ANKRD42: variants seen among roughly 807,000 people sequenced by gnomAD.
The protein encoded by ANKRD42 is ankyrin repeat domain 42, also known as ankyrin repeat domain-containing protein 42.
Under a neutral mutation model 51.5 loss-of-function variants are expected in ANKRD42, and 43 were observed. That is an observed-to-expected ratio of 0.83 (90% confidence interval 0.65 to 1.08). The LOEUF is 1.08. Among genes scored for constraint, ANKRD42 ranks in the 50% least tolerant of loss-of-function variants. The pLI is 0.00. For synonymous variants in ANKRD42, 203 were observed against 213.0 expected (o/e 0.95, Z 0.41); for missense variants, 608 against 629.3 (o/e 0.97, Z 0.36).
rs749472747 is a variant in ANKRD42 at position 83,211,366 on chromosome 11, C to T, written c.522C>T (p.Cys174=). 2 of 1,614,154 alleles carry T rather than the reference C, an allele frequency of 1.2e-6. No homozygotes were observed. Among genetic ancestry groups the T allele is most frequent in the South Asian group, 1.1e-5 (1 of 91,080 alleles). ...CAGCTTTTCATGGGCGGCTTGGCTG[C>T]TTGCAACTTCTTGTTAAATGGGGTT... is the stretch of plus-strand genomic sequence containing the variant. ...HYAAFHGRLG[C]LQLLVKWGCS... The change falls in exon 5 of 11, where the codon TGC becomes TGT. Residue 174 remains cysteine, a synonymous_variant. Coordinates refer to ENST00000533342, the MANE Select transcript of ANKRD42 (RefSeq NM_001300975.2).
intron 2 of ANKRD42, among the ~76,000 whole-genome samples, chr11:83,205,651 C>T (rs115683569): frequency 6.6e-6 from 1 of 152,108 alleles, no homozygotes; most frequent in Non-Finnish European, 1.5e-5. Flanking sequence ...AAGCTCTGGA[C>T]CCGTTTAAAG....
In ANKRD42 at chr11:83,254,430, C is replaced by CTTTTTTTTT. The variant is rs778427623; in HGVS notation, c.1465-1411_1465-1410insTTTTTTTTT. Among the ~76,000 whole-genome samples the CTTTTTTTTT allele has an allele frequency of 2.7e-4, 35 of 130,424 alleles. 1 individual carries two copies. The highest frequency in any genetic ancestry group is 3.4e-4 in the Non-Finnish European group (21 of 62,308). The allele number at this position is 130,424 out of a possible 152,430, so 85.6% of individuals were successfully genotyped here. ...CCCCACCTGAGTGTTTTTCTTTTTT[C>CTTTTTTTTT]TTTTCTTTTTTTTTTTTTTGAGACA... On this transcript the variant is annotated intron_variant, in intron 11 of 11. Transcript: ENST00000260047.
chr11:83,249,209 G>A (rs1368412818), downstream of ANKRD42, among the ~76,000 whole-genome samples: 20 of 152,024 alleles, frequency 1.3e-4, no homozygotes, highest in East Asian at 1.9e-4. Flanking sequence ...GTTGTTCTTC[G>A]TTTTTTCTTT....
downstream of ANKRD42, chr11:83,259,542 A>T (rs1863840126): frequency 6.6e-6 from 1 of 152,218 alleles, no homozygotes; most frequent in South Asian, 2.1e-4. Flanking sequence ...GAGAAGGTCC[A>T]ATAAATGGCA....
rs143108369 is a variant in ANKRD42, at chr11:83,223,909, A to C, written c.587-946A>C. Among the ~76,000 whole-genome samples the C allele has an allele frequency of 2.0e-3, 302 of 148,722 alleles. 4 individuals are homozygous for C. Among genetic ancestry groups the C allele is most frequent in the African/African-American group, 7.4e-3 (298 of 40,484 alleles). ...AAAGACTGTCTTGGTCTTTGTAATC[A>C]TTGCCTCAAAGCTTGTAACAACTCC... On this transcript the variant is annotated intron_variant, in intron 5 of 10. Transcript: ENST00000533342.
downstream of ANKRD42, chr11:83,257,478 A>C (rs995503948): frequency 2.5e-5 from 9 of 360,444 alleles, no homozygotes; most frequent in South Asian, 1.2e-4. Context: ...TTTATTGGGC[A>C]CTTTGTGTGA....
chr11:83,238,212 G>T (rs551925783), intron 8 of ANKRD42, among the ~76,000 whole-genome samples: 3 of 152,176 alleles, frequency 2.0e-5, no homozygotes, highest in African/African-American at 7.2e-5. Flanking sequence ...AGGTTGAAGG[G>T]CATCTTGATT....
At chr11:83,242,567 G>GTTTTTTTTTTGTTTTTTTTTT (rs770772334) in intron 9 of ANKRD42, among the ~76,000 whole-genome samples, 10 of 115,544 alleles carry the variant, frequency 8.7e-5, no homozygotes, top group East Asian at 5.0e-4. Context: ...TGGTAGTTAA[G>GTTTTTTTTTTGTTTTTTTTTT]TTTTTTTTTT....
intron 7 of ANKRD42, 111 bp from the exon 8 acceptor site, chr11:83,236,293 C>T: frequency 1.5e-6 from 1 of 675,344 alleles, no homozygotes; most frequent in Non-Finnish European, 2.4e-6. Context: ...CTGCAAGGAT[C>T]AATACTTAAC....
At chr11:83,259,643 T>A (rs1159081935), downstream of ANKRD42, 1 of 152,216 alleles carries the variant, frequency 6.6e-6, no homozygotes, top group Non-Finnish European at 1.5e-5. Context: ...TATTTGCTGA[T>A]AAAACTATTG....
intron 9 of ANKRD42, among the ~76,000 whole-genome samples, chr11:83,242,574 T>G (rs953964184): frequency 7.6e-5 from 11 of 144,692 alleles, no homozygotes; most frequent in African/African-American, 2.8e-4. Context: ...TAAGTTTTTT[T>G]TTTTTTTTTT....
Position 83,225,782 on chromosome 11 carries a change from GAAAAAAA to G in ANKRD42, c.787+744_787+750del, listed in dbSNP as rs59860833. ...GCAGCAAGAGCGAAACTCCATCCTGGAAAAAAAAAAAAAAAAAAAAAAAGGAATAAAA... is the reference window on the plus strand; with the variant it reads ...GCAGCAAGAGCGAAACTCCATCCTGGAAAAAAAAAAAAAAAAGGAATAAAA... On this transcript the variant is annotated intron_variant, in intron 6 of 10. Transcript: ENST00000533342. Among the ~76,000 whole-genome samples the G allele has an allele frequency of 1.6e-3, 142 of 88,788 alleles. 2 individuals are homozygous for G. The East Asian group carries it at 0.036, about 22-fold the overall frequency. The allele number at this position is 88,788 out of a possible 152,430, so 58.2% of individuals were successfully genotyped here.
intron 7 of ANKRD42, among the ~76,000 whole-genome samples, chr11:83,232,466 G>A (rs1863101704): frequency 6.6e-6 from 1 of 152,116 alleles, no homozygotes; most frequent in African/African-American, 2.4e-5. Flanking sequence ...TACTGAATTT[G>A]CTTATCAATT....
intron 7 of ANKRD42, among the ~76,000 whole-genome samples, chr11:83,230,934 C>T (rs1354626453): frequency 1.3e-5 from 2 of 152,116 alleles, no homozygotes; most frequent in African/African-American, 2.4e-5. Flanking sequence ...TGTATATGTA[C>T]CACATTTTCT....
exon 12 of ANKRD42, chr11:83,255,993 T>C: frequency 1.6e-6 from 2 of 1,236,068 alleles, no homozygotes; most frequent in South Asian, 2.8e-5. Flanking sequence ...AAAATTGATA[T>C]AAATGTGAGT....
chr11:83,195,918 T>C (rs543401163), intron 1 of ANKRD42, among the ~76,000 whole-genome samples: 2 of 150,666 alleles, frequency 1.3e-5, no homozygotes, highest in South Asian at 4.2e-4. Context: ...GGTCCTCAGC[T>C]CACTGCAATC....
In ANKRD42 at chr11:83,194,634, G is replaced by C; in HGVS notation, c.-37G>C. On this transcript the variant is annotated 5_prime_UTR_variant, in exon 1 of 11. Transcript: ENST00000533342. ...AAGACCGCCGCAGCATCAGGGGCCT[G>C]GACTCAACTCCTCCCCAGAGTCGGA... 6.2e-7 allele frequency: 1 copy of C among 1,610,136 alleles called. No individual in the cohort carries two copies. The highest frequency in any genetic ancestry group is 8.5e-7 in the Non-Finnish European group (1 of 1,177,430).
rs548139592 is a variant in ANKRD42, at chr11:83,197,689, C to T, written c.59-790C>T. Among the ~76,000 whole-genome samples, 87 of 152,214 alleles carry T rather than the reference C, an allele frequency of 5.7e-4. 1 individual carries two copies. Among genetic ancestry groups the T allele is most frequent in the Admixed American group, 2.8e-3 (43 of 15,276 alleles). Reference sequence around the variant, plus strand: ...CATTCTTCTCTAATAGTTATCTGTTCGTGCTTAGATACCTTTATTGCCTCT... The same window carrying T: ...CATTCTTCTCTAATAGTTATCTGTTTGTGCTTAGATACCTTTATTGCCTCT... On this transcript the variant is annotated intron_variant, in intron 1 of 10. Coordinates refer to ENST00000533342, the MANE Select transcript of ANKRD42 (RefSeq NM_001300975.2).
At chr11:83,237,663 T>C (rs967236655) in intron 8 of ANKRD42, among the ~76,000 whole-genome samples, 2 of 152,240 alleles carry the variant, frequency 1.3e-5, no homozygotes, top group African/African-American at 4.8e-5. Flanking sequence ...TGTGGTTTTG[T>C]TGTACCATGT....
Sources: allele counts gnomAD v4.1 joint callset (sites outside exome capture counted in the v4.1 genomes callset), GRCh38; gene constraint gnomAD v4.1.1; transcripts MANE v1.5; gene names NCBI Gene and HGNC (gene_info 2026-07-23, HGNC 2026-07-21).